Variants in EPHX2 observed in about 807,000 individuals in gnomAD.
The protein encoded by EPHX2 is bifunctional epoxide hydrolase 2.
Under a neutral mutation model 78.7 loss-of-function variants are expected in EPHX2, and 74 were observed. The ratio of observed to expected loss-of-function variants is 0.94; its 90% CI spans 0.78 to 1.14. The LOEUF is 1.14. EPHX2 is among the 50% of genes most tolerant of loss of function. The pLI is 0.00. For missense variants in EPHX2, 715 were observed against 702.5 expected (o/e 1.02, Z -0.20); for synonymous variants, 251 against 255.2 (o/e 0.98, Z 0.16).
Position 27,518,425 on chromosome 8 carries a change from A to G in EPHX2, c.945+353A>G, listed in dbSNP as rs577938325. Among the ~76,000 whole-genome samples, 3 of 152,352 alleles carry G rather than the reference A, an allele frequency of 2.0e-5. No individual in the cohort carries two copies. The East Asian group carries it at 5.8e-4, about 29-fold the overall frequency. On this transcript the variant is annotated intron_variant, in intron 9 of 18. Transcript: ENST00000521400. ...AAAGTCACTTTATTCTGGTAAAGAC[A>G]TTGTTGGCCAGACCTAGGCCAGACC...
rs4149259 is a variant in EPHX2 at position 27,544,977 on chromosome 8, C to T, written c.*455C>T. 43,284 of 185,498 alleles carry T rather than the reference C, an allele frequency of 0.23. 6,683 individuals are homozygous for T. The highest frequency in any genetic ancestry group is 0.46 in the African/African-American group (19,488 of 42,224). 11.5% of individuals were successfully genotyped at this position (185,498 alleles called of 1,614,324 possible). On this transcript the variant is annotated 3_prime_UTR_variant, in exon 19 of 19. Coordinates refer to ENST00000521400, the MANE Select transcript of EPHX2 (RefSeq NM_001979.6). ...GTGACTGTTCACGGAGAATGCACGGCATGGGGATGAACCCTTTCCCTCTGC... is the reference window on the plus strand; with the variant it reads ...GTGACTGTTCACGGAGAATGCACGGTATGGGGATGAACCCTTTCCCTCTGC...
At chr8:27,523,643 C>A (rs1278574446) in intron 11 of EPHX2, among the ~76,000 whole-genome samples, 1 of 152,184 alleles carries the variant, frequency 6.6e-6, no homozygotes, top group Non-Finnish European at 1.5e-5. Flanking sequence ...TAAAAAGAAT[C>A]AAATGTTCCT....
rs112738546 is a variant in EPHX2 at position 27,538,516 on chromosome 8, G to A, written c.1243-143G>A. 15 of 686,424 alleles carry A rather than the reference G, an allele frequency of 2.2e-5. 1 individual carries two copies. Among genetic ancestry groups the A allele is most frequent in the African/African-American group, 2.2e-4 (12 of 55,004 alleles). 42.5% of individuals were successfully genotyped at this position (686,424 alleles called of 1,614,324 possible). ...CCACATGTTTGTTACAGTCTGCGTG[G>A]TACTCAGAGGTCATTTGTCATAACA... On this transcript the variant is annotated intron_variant, in intron 13 of 18. Transcript: ENST00000521400.
At chr8:27,527,596 A>G (rs1814895088) in intron 12 of EPHX2, among the ~76,000 whole-genome samples, 1 of 152,048 alleles carries the variant, frequency 6.6e-6, no homozygotes, top group Non-Finnish European at 1.5e-5. Flanking sequence ...TTCTGTCTGT[A>G]TGATTTTGAC....
In EPHX2 at chr8:27,543,692, G is replaced by A. The variant is rs1815485067; in HGVS notation, c.1450-57G>A. 5 of 1,580,162 alleles carry A rather than the reference G, an allele frequency of 3.2e-6. No individual in the cohort carries two copies. The South Asian group carries it at 3.4e-5, about 11-fold the overall frequency. On this transcript the variant is annotated intron_variant, in intron 16 of 18. Transcript: ENST00000521400. ...GGCGAGCAGGGGTCTTTCAGAGGAG[G>A]AGGGAGGGCTTCCTTTGTGGAGTGC... is the stretch of plus-strand genomic sequence containing the variant.
chr8:27,540,693 T>A, intron 15 of EPHX2, 37 bp downstream of exon 15: 2 of 1,564,256 alleles, frequency 1.3e-6, no homozygotes, highest in African/African-American at 1.4e-5. Context: ...AGATGAGAGA[T>A]GATCGACAGA....
intron 12 of EPHX2, among the ~76,000 whole-genome samples, chr8:27,526,250 C>T (rs72475902): frequency 0.016 from 2,485 of 152,318 alleles, 65 homozygotes; most frequent in African/African-American, 0.056. Context: ...TTCGATTCAA[C>T]GAGTAACTGT....
chr8:27,512,985 G>A (rs1814308351), intron 6 of EPHX2, among the ~76,000 whole-genome samples: 1 of 152,202 alleles, frequency 6.6e-6, no homozygotes, highest in African/African-American at 2.4e-5. Context: ...TGCTGACCTT[G>A]GAGACCTTGG....
intron 5 of EPHX2, among the ~76,000 whole-genome samples, chr8:27,507,956 T>G (rs1277199463): frequency 1.3e-5 from 2 of 152,124 alleles, no homozygotes; most frequent in Non-Finnish European, 2.9e-5. Flanking sequence ...TCCTTTAACC[T>G]TAGTTACCTC....
In EPHX2 at chr8:27,532,615, G is replaced by A. The variant is rs550618564; in HGVS notation, c.1171-4169G>A. Among the ~76,000 whole-genome samples, 91 of 152,226 alleles carry A rather than the reference G, an allele frequency of 6.0e-4. 1 individual carries two copies. Among genetic ancestry groups the A allele is most frequent in the Non-Finnish European group, 1.1e-3 (77 of 68,018 alleles). On this transcript the variant is annotated intron_variant, in intron 12 of 18. Transcript: ENST00000521400. ...CATGCCTGTCTCCCAGCCCCTGGCC[G>A]TTGCTGGCAATTCCTGGTGTTCCTC...
intron 4 of EPHX2, among the ~76,000 whole-genome samples, chr8:27,505,349 A>G (rs1300164055): frequency 6.6e-6 from 1 of 152,204 alleles, no homozygotes; most frequent in Admixed American, 6.5e-5. Context: ...ATTTGGCTCC[A>G]TTGTATAGCT....
chr8:27,514,163 C>T (rs186041259), intron 6 of EPHX2, among the ~76,000 whole-genome samples: 1 of 152,092 alleles, frequency 6.6e-6, no homozygotes, highest in Admixed American at 6.5e-5. Flanking sequence ...CTAAAATTAG[C>T]TGGGGTGGTG....
rs1260769557 is a variant in EPHX2, at chr8:27,491,185, G to A, written c.-24G>A. Reference sequence around the variant, plus strand: ...TCTCCCAGGTTAGCTGCGTGTCCGGGTGCTAGGCTGCAGACCCGCCGCCAT... The same window carrying A: ...TCTCCCAGGTTAGCTGCGTGTCCGGATGCTAGGCTGCAGACCCGCCGCCAT... On this transcript the variant is annotated 5_prime_UTR_variant, in exon 1 of 19. The change creates a new upstream start codon in the 5' untranslated region. Transcript: ENST00000521400. The A allele has an allele frequency of 6.4e-7, 1 of 1,560,346 alleles. No individual in the cohort carries two copies. Among genetic ancestry groups the A allele is most frequent in the East Asian group, 2.4e-5 (1 of 41,892 alleles).
intron 14 of EPHX2, among the ~76,000 whole-genome samples, chr8:27,539,816 C>G (rs932617399): frequency 6.6e-6 from 1 of 152,200 alleles, no homozygotes; most frequent in African/African-American, 2.4e-5. Flanking sequence ...AGGGTGACAT[C>G]CTCATCACAT....
In EPHX2 at chr8:27,501,027, A is replaced by T. The variant is rs374362897; in HGVS notation, c.186+17A>T. The T allele has an allele frequency of 1.7e-5, 27 of 1,602,814 alleles. No homozygotes were observed. The highest frequency in any genetic ancestry group is 4.0e-5 in the African/African-American group (3 of 74,628). On this transcript the variant is annotated intron_variant, in intron 2 of 18. Transcript: ENST00000521400. Reference sequence around the variant, plus strand: ...CTTTCCCAGGTGAGGGGACATCACCACACAGAGCCCTTTGGATGAACGTTC... The same window carrying T: ...CTTTCCCAGGTGAGGGGACATCACCTCACAGAGCCCTTTGGATGAACGTTC...
intron 3 of EPHX2, among the ~76,000 whole-genome samples, chr8:27,504,473 C>T (rs1026464661): frequency 5.9e-5 from 9 of 152,180 alleles, no homozygotes; most frequent in African/African-American, 2.2e-4. Flanking sequence ...AACCTAGTCC[C>T]TGATTGCCAA....
chr8:27,499,743 A>G (rs761142311), intron 1 of EPHX2, among the ~76,000 whole-genome samples: 1 of 152,230 alleles, frequency 6.6e-6, no homozygotes, highest in African/African-American at 2.4e-5. Context: ...AACAATGGAA[A>G]TGTTTTCTCT....
chr8:27,524,968 A>G (rs2132764207), intron 11 of EPHX2, among the ~76,000 whole-genome samples: 1 of 145,284 alleles, frequency 6.9e-6, no homozygotes, highest in African/African-American at 2.8e-5. Flanking sequence ...AGGAGACACA[A>G]TGAGTGAATA....
rs927126727 is a variant in EPHX2, at chr8:27,511,930, C to T, written c.735+20C>T. The T allele has an allele frequency of 1.2e-6, 2 of 1,613,128 alleles. No individual in the cohort carries two copies. Among genetic ancestry groups the T allele is most frequent in the Middle Eastern group, 1.7e-4 (1 of 6,060 alleles). On this transcript the variant is annotated intron_variant, in intron 6 of 18. Transcript: ENST00000521400. ...GTAAAGGTGAGTCAGTTTTGTCTCT[C>T]AGTCGGCTAAGTGCTCTCCCACCAG...
Sources: allele counts gnomAD v4.1 joint callset (sites outside exome capture counted in the v4.1 genomes callset), GRCh38; gene constraint gnomAD v4.1.1; transcripts MANE v1.5; gene names NCBI Gene and HGNC (gene_info 2026-07-23, HGNC 2026-07-21).